The following CTNNA2 variants were observed in gnomAD, a reference collection of about 807,000 sequenced individuals.
CTNNA2 encodes the protein catenin alpha-2.
CTNNA2 carries 42 observed loss-of-function variants against 101.0 expected under a neutral mutation model. The ratio of observed to expected loss-of-function variants is 0.42; its 90% confidence interval spans 0.32 to 0.54. The LOEUF (loss-of-function observed/expected upper bound fraction) is 0.54. CTNNA2 is among the 20% of genes least tolerant of loss of function. CTNNA2 has a pLI of 0.14. For synonymous variants in CTNNA2, 450 were observed against 456.4 expected (o/e 0.99, Z 0.18); for missense variants, 871 against 1,223.1 (o/e 0.71, Z 4.29).
At chr2:79,190,305 A>G (rs779839687) in intron 1 of CTNNA2, among the ~76,000 whole-genome samples, 25 of 152,036 alleles carry the variant, frequency 1.6e-4, no homozygotes, top group Non-Finnish European at 3.2e-4. Context: ...GGGAGATTAT[A>G]GGCAGATTTT....
At chr2:80,545,753 T>G (rs1205532295) in intron 10 of CTNNA2, among the ~76,000 whole-genome samples, 154 bp from the exon 11 acceptor site, 3 of 152,284 alleles carry the variant, frequency 2.0e-5, no homozygotes, top group Admixed American at 6.5e-5. Flanking sequence ...AAAATCTCCT[T>G]TATCTTTTAT....
At chr2:79,635,586 C>T (rs1353886065) in intron 1 of CTNNA2, among the ~76,000 whole-genome samples, 1 of 150,236 alleles carries the variant, frequency 6.7e-6, no homozygotes, top group African/African-American at 2.4e-5. Flanking sequence ...TCATTGCAAC[C>T]TCTGCCTCCC....
intron 7 of CTNNA2, among the ~76,000 whole-genome samples, chr2:80,082,417 G>A (rs946525703): frequency 6.6e-6 from 1 of 152,122 alleles, no homozygotes; most frequent in African/African-American, 2.4e-5. Context: ...ACATGAAACA[G>A]TACATTTCAC....
intron 9 of CTNNA2, among the ~76,000 whole-genome samples, chr2:80,525,258 G>A (rs1229443249): frequency 2.0e-5 from 3 of 151,670 alleles, no homozygotes; most frequent in Middle Eastern, 3.4e-3. Flanking sequence ...ACAGTCTCAG[G>A]ACCCCTCTCC....
chr2:80,548,450 A>G (rs1692283143), intron 11 of CTNNA2, among the ~76,000 whole-genome samples: 1 of 152,152 alleles, frequency 6.6e-6, no homozygotes, highest in Non-Finnish European at 1.5e-5. Context: ...CAATAGGACA[A>G]AGCTTTTGCT....
chr2:79,627,356 G>A (rs1488941138), intron 1 of CTNNA2, among the ~76,000 whole-genome samples: 1 of 152,210 alleles, frequency 6.6e-6, no homozygotes, highest in Admixed American at 6.5e-5. Flanking sequence ...AATGTGCCAT[G>A]GAGGGGTTGG....
rs1573642114 is a variant in CTNNA2, at chr2:80,302,196, G to A, written c.1057-91015G>A. On this transcript the variant is annotated intron_variant, in intron 7 of 18. Transcript: ENST00000402739. This position sits in a 1 kb window ranked among gnomAD's most constrained non-coding sequence, Gnocchi z 6.4. ...ACCCCAGCCTGGTGCCCGCCGGCCC[G>A]TCCCGGCTGCCCAGGCGTATTTGGT... 6.4e-7 allele frequency: 1 copy of A among 1,568,118 alleles called. No homozygotes were observed. Among genetic ancestry groups the A allele is most frequent in the South Asian group, 1.2e-5 (1 of 82,260 alleles).
At chr2:80,492,228 T>C (rs1436364278) in intron 9 of CTNNA2, among the ~76,000 whole-genome samples, 1 of 152,172 alleles carries the variant, frequency 6.6e-6, no homozygotes, top group Non-Finnish European at 1.5e-5. Flanking sequence ...CCACTTTCTC[T>C]CTTCCTCCTG....
intron 2 of CTNNA2, among the ~76,000 whole-genome samples, chr2:79,307,028 A>G (rs1406121267): frequency 6.6e-6 from 1 of 152,164 alleles, no homozygotes; most frequent in East Asian, 1.9e-4. Context: ...TTTTAGTCAT[A>G]CATATGATAA....
At chr2:80,143,275 C>A (rs538576688) in intron 7 of CTNNA2, among the ~76,000 whole-genome samples, 4 of 152,170 alleles carry the variant, frequency 2.6e-5, no homozygotes, top group Admixed American at 6.5e-5. Context: ...AGAATGACTT[C>A]TATGTATTTT....
chr2:80,172,192 A>C (rs1705104092), intron 7 of CTNNA2, among the ~76,000 whole-genome samples: 1 of 152,132 alleles, frequency 6.6e-6, no homozygotes, highest in South Asian at 2.1e-4. Context: ...ATACCGTCAC[A>C]TGTGTTTTTT....
chr2:80,193,630 C>T (rs946959244), intron 7 of CTNNA2, among the ~76,000 whole-genome samples: 1 of 152,154 alleles, frequency 6.6e-6, no homozygotes, highest in African/African-American at 2.4e-5. Flanking sequence ...TGCTTTCTTG[C>T]TCTGTGTTTT....
chr2:79,531,195 C>CATATATATAT (rs34087238), intron 1 of CTNNA2, among the ~76,000 whole-genome samples: 57 of 110,274 alleles, frequency 5.2e-4, no homozygotes, highest in Non-Finnish European at 6.7e-4. Flanking sequence ...TAGATACGCT[C>CATATATATAT]ATATATATAT....
chr2:79,400,911 T>C (rs1301015625), intron 4 of CTNNA2, among the ~76,000 whole-genome samples: 1 of 151,996 alleles, frequency 6.6e-6, no homozygotes, highest in African/African-American at 2.4e-5. Context: ...CAAGTCATCA[T>C]GTGTAATCAG....
chr2:80,541,666 G>A (rs1691566912), intron 9 of CTNNA2, among the ~76,000 whole-genome samples: 1 of 151,878 alleles, frequency 6.6e-6, no homozygotes, highest in Non-Finnish European at 1.5e-5. Context: ...AGCATAAGTG[G>A]GAAGCTCTGC....
At chr2:80,191,033 G>C (rs1022241079) in intron 7 of CTNNA2, among the ~76,000 whole-genome samples, 1 of 152,140 alleles carries the variant, frequency 6.6e-6, no homozygotes, top group Non-Finnish European at 1.5e-5. Flanking sequence ...GGTCTTATAT[G>C]TATGGTGACC....
chr2:80,528,492 A>G (rs1298548450), intron 9 of CTNNA2, among the ~76,000 whole-genome samples: 1 of 152,046 alleles, frequency 6.6e-6, no homozygotes, highest in African/African-American at 2.4e-5. Context: ...CACCGTGCCC[A>G]GCCCTTAGCC....
intron 2 of CTNNA2, among the ~76,000 whole-genome samples, chr2:79,692,244 A>G (rs1400350414): frequency 1.3e-5 from 2 of 152,186 alleles, no homozygotes; most frequent in Non-Finnish European, 1.5e-5. Context: ...GAAGACATTT[A>G]TGCAGCCAAC....
chr2:79,374,249 T>A (rs1039315579), intron 4 of CTNNA2, among the ~76,000 whole-genome samples: 1 of 152,158 alleles, frequency 6.6e-6, no homozygotes, highest in Non-Finnish European at 1.5e-5. Flanking sequence ...AATGCATACC[T>A]TCCCCTGTCT....
Sources: allele counts gnomAD v4.1 joint callset (sites outside exome capture counted in the v4.1 genomes callset), GRCh38; gene constraint gnomAD v4.1.1; non-coding constraint Gnocchi (gnomAD v3.1); transcripts MANE v1.5; gene names NCBI Gene and HGNC (gene_info 2026-07-23, HGNC 2026-07-21).